The following MAD1L1 variants were observed in gnomAD, a reference collection of about 807,000 sequenced individuals.
MAD1L1 encodes the protein mitotic spindle assembly checkpoint protein MAD1.
A neutral mutation model predicts 96.9 loss-of-function variants in MAD1L1; 95 were observed. The observed-to-expected ratio is 0.98, with a 90% CI of 0.83 to 1.16. MAD1L1 has a LOEUF of 1.16. Among genes scored for constraint, MAD1L1 ranks in the 50% most tolerant of loss-of-function variants. The probability of loss-of-function intolerance (pLI) is 0.00; values close to 1 mark genes in which losing one functional copy is unlikely to be tolerated. For synonymous variants in MAD1L1, 473 were observed against 396.6 expected, an observed-to-expected ratio of 1.19 and a Z score of -2.29; for missense variants, 1,007 against 954.4, an observed-to-expected ratio of 1.06 and a Z score of -0.73.
chr7:2,006,765 G>A (rs1782051496), intron 13 of MAD1L1, among the ~76,000 whole-genome samples: 1 of 152,180 alleles, frequency 6.6e-6, no homozygotes, highest in Admixed American at 6.5e-5. Context: ...GACGCTCTCT[G>A]TGTGCGCAGA....
chr7:2,098,106 G>C (rs1786588825), intron 11 of MAD1L1, among the ~76,000 whole-genome samples: 1 of 152,210 alleles, frequency 6.6e-6, no homozygotes, highest in East Asian at 1.9e-4. Context: ...ACAGAGGACA[G>C]ATCAGTGAGG....
intron 12 of MAD1L1, among the ~76,000 whole-genome samples, chr7:2,015,558 G>C (rs1037121621): frequency 6.6e-6 from 1 of 152,252 alleles, no homozygotes; most frequent in Non-Finnish European, 1.5e-5. Flanking sequence ...CTGCTGCGGG[G>C]AAGTGTGGTC....
In MAD1L1 at chr7:1,972,583, G is replaced by C. The variant is rs539913619; in HGVS notation, c.1505+7870C>G. On this transcript the variant is annotated intron_variant, in intron 15 of 18. Transcript: ENST00000265854. ...CTTTTTATTTTTGTCAAATTTGCTAGAGATTTGTCAATTTTATTGAATTTT... is the reference window on the plus strand; with the variant it reads ...CTTTTTATTTTTGTCAAATTTGCTACAGATTTGTCAATTTTATTGAATTTT... 2.3e-5 allele frequency among the ~76,000 whole-genome samples: 3 copies of C among 130,854 alleles called. No individual in the cohort carries two copies. In the South Asian group the frequency reaches 8.4e-4, roughly 37 times the overall value. 85.8% of individuals were successfully genotyped at this position (130,854 alleles called of 152,430 possible). A position where few individuals can be genotyped will look rare whatever the true frequency, so the allele number is the denominator to read the frequency against.
At chr7:1,984,422 C>T (rs1781054702) in intron 14 of MAD1L1, among the ~76,000 whole-genome samples, 1 of 152,186 alleles carries the variant, frequency 6.6e-6, no homozygotes, top group South Asian at 2.1e-4. Flanking sequence ...ATGGGTTTTA[C>T]GCACATATGT....
intron 17 of MAD1L1, among the ~76,000 whole-genome samples, chr7:1,914,318 G>A (rs1788232145): frequency 6.6e-6 from 1 of 152,260 alleles, no homozygotes; most frequent in South Asian, 2.1e-4. Context: ...GTCCGGGGCA[G>A]GGATGGTGAG....
intron 7 of MAD1L1, among the ~76,000 whole-genome samples, chr7:2,216,524 C>T (rs1463678193): frequency 6.6e-6 from 1 of 152,134 alleles, no homozygotes; most frequent in Non-Finnish European, 1.5e-5. Flanking sequence ...TTCTGTGTGA[C>T]ACTCTAATGG....
At chr7:2,052,640 G>A (rs949831059) in intron 12 of MAD1L1, among the ~76,000 whole-genome samples, 7 of 152,172 alleles carry the variant, frequency 4.6e-5, no homozygotes, top group African/African-American at 7.2e-5. Flanking sequence ...ATTATTGGCC[G>A]CAGGTCATAC....
At chr7:2,079,863 C>T in intron 11 of MAD1L1, 1 of 407,248 alleles carries the variant, frequency 2.5e-6, no homozygotes, top group Non-Finnish European at 5.0e-6. Flanking sequence ...TACTAAACAA[C>T]CGCCCCATGC....
At chr7:2,130,871 G>T (rs1208086196) in intron 11 of MAD1L1, among the ~76,000 whole-genome samples, 1 of 152,226 alleles carries the variant, frequency 6.6e-6, no homozygotes, top group Non-Finnish European at 1.5e-5. Context: ...TTCCCGGAAA[G>T]ATAAAGGCCA....
chr7:1,838,824 C>T (rs2128631143), intron 18 of MAD1L1: 2 of 471,458 alleles, frequency 4.2e-6, no homozygotes, highest in Non-Finnish European at 8.8e-6. Flanking sequence ...GGGTGAACGT[C>T]CTGCCATCCA....
intron 12 of MAD1L1, among the ~76,000 whole-genome samples, chr7:2,016,324 G>A (rs1782537406): frequency 6.6e-6 from 1 of 152,172 alleles, no homozygotes; most frequent in Non-Finnish European, 1.5e-5. Flanking sequence ...GAGCTGTGGG[G>A]ACCGCCCCCA....
At chr7:1,873,613 T>G (rs1583620640) in intron 18 of MAD1L1, among the ~76,000 whole-genome samples, 1 of 151,164 alleles carries the variant, frequency 6.6e-6, no homozygotes, top group South Asian at 2.1e-4. Flanking sequence ...GATGGAGGGG[T>G]AGTGGGAGAT....
In MAD1L1 at chr7:1,824,662, G is replaced by A. The variant is rs570232039; in HGVS notation, c.1999-8434C>T. On this transcript the variant is annotated intron_variant, in intron 18 of 18. Coordinates refer to ENST00000265854, the MANE Select transcript of MAD1L1 (RefSeq NM_001013836.2). ...AGGACCCGCGGGAGAGGAGAGGGGC[G>A]TGCCTGGATGGCATCTGCCGGGGCA... 4.6e-5 allele frequency among the ~76,000 whole-genome samples: 7 copies of A among 152,322 alleles called. No individual in the cohort carries two copies. The South Asian group carries it at 8.3e-4, about 18-fold the overall frequency.
chr7:1,914,658 G>T (rs1044035603), intron 17 of MAD1L1, among the ~76,000 whole-genome samples: 2 of 152,204 alleles, frequency 1.3e-5, no homozygotes, highest in Non-Finnish European at 2.9e-5. Flanking sequence ...ATGTTGCCCA[G>T]GGTAGCGAAC....
chr7:1,852,552 G>C (rs1006352281), intron 18 of MAD1L1, among the ~76,000 whole-genome samples: 1 of 152,204 alleles, frequency 6.6e-6, no homozygotes, highest in South Asian at 2.1e-4. Context: ...CCATCTGAGA[G>C]GTCCGGGTGA....
intron 12 of MAD1L1, among the ~76,000 whole-genome samples, chr7:2,057,818 G>A (rs1016215778): frequency 6.6e-6 from 1 of 152,184 alleles, no homozygotes; most frequent in Non-Finnish European, 1.5e-5. Context: ...TCAGTAAAGA[G>A]TATCACACAG....
chr7:2,051,596 C>A (rs1784172671), intron 12 of MAD1L1, among the ~76,000 whole-genome samples: 1 of 152,000 alleles, frequency 6.6e-6, no homozygotes, highest in African/African-American at 2.4e-5. Context: ...GAAGACTGGG[C>A]CTTCCCTGCA....
At chr7:2,070,597 A>G (rs1785078239) in intron 11 of MAD1L1, among the ~76,000 whole-genome samples, 1 of 149,982 alleles carries the variant, frequency 6.7e-6, no homozygotes, top group Admixed American at 6.6e-5. Flanking sequence ...AGGCAGGCGC[A>G]GAGCGGAACG....
chr7:1,973,617 G>A (rs1365818142), intron 15 of MAD1L1, among the ~76,000 whole-genome samples: 2 of 152,134 alleles, frequency 1.3e-5, no homozygotes, highest in African/African-American at 2.4e-5. Context: ...AGGGGGGTGC[G>A]AGCTGGGCCC....
Sources: allele counts gnomAD v4.1 joint callset (sites outside exome capture counted in the v4.1 genomes callset), GRCh38; gene constraint gnomAD v4.1.1; transcripts MANE v1.5; gene names NCBI Gene and HGNC (gene_info 2026-07-23, HGNC 2026-07-21).